PLXNC1: variants seen among roughly 807,000 people sequenced by gnomAD.
PLXNC1 encodes plexin C1.
Under a neutral mutation model 178.2 loss-of-function variants are expected in PLXNC1, and 75 were observed. The ratio of observed to expected loss-of-function variants is 0.42; its 90% CI spans 0.35 to 0.51. The LOEUF (loss-of-function observed/expected upper bound fraction) is 0.51. Ranked by LOEUF, PLXNC1 falls within the 20% of genes least tolerant of loss-of-function variation. The probability of loss-of-function intolerance (pLI) is 0.02; values close to 1 mark genes in which losing one functional copy is unlikely to be tolerated. For synonymous variants in PLXNC1, 790 were observed against 779.9 expected (o/e 1.01, Z -0.22); for missense variants, 1,503 against 1,984.4 (o/e 0.76, Z 4.61).
chr12:94,215,919 A>G (rs899240290), intron 5 of PLXNC1, among the ~76,000 whole-genome samples: 2 of 152,242 alleles, frequency 1.3e-5, no homozygotes, highest in Non-Finnish European at 2.9e-5. Flanking sequence ...GCAATATAGT[A>G]TGTAATAACA....
intron 28 of PLXNC1, 41 bp from the exon 29 acceptor site, chr12:94,303,715 T>TAAA: frequency 1.8e-6 from 2 of 1,085,264 alleles, no homozygotes; most frequent in Non-Finnish European, 2.5e-6. Context: ...TTTTTTTTAC[T>TAAA]CTTTTGGTGA....
intron 4 of PLXNC1, among the ~76,000 whole-genome samples, chr12:94,200,078 C>T (rs1397709862): frequency 1.3e-5 from 2 of 152,240 alleles, no homozygotes; most frequent in Non-Finnish European, 2.9e-5. Context: ...CAGGCGTGAG[C>T]CACCATGCCC....
Position 94,149,328 on chromosome 12 carries a change from C to CG in PLXNC1, c.363dup (p.Leu122AlafsTer66), listed in dbSNP as rs1291289729. 1 of 1,441,832 alleles carries CG rather than the reference C, an allele frequency of 6.9e-7. No homozygotes were observed. Among genetic ancestry groups the CG allele is most frequent in the Non-Finnish European group, 9.0e-7 (1 of 1,107,002 alleles). The allele number at this position is 1,441,832 out of a possible 1,614,324, so 89.3% of individuals were successfully genotyped here. A position where few individuals can be genotyped will look rare whatever the true frequency, so the allele number is the denominator to read the frequency against. ...CCTACCGCGAGGGGGCGGCCGGCCT[C>CG]GGGGGGCTGCTGCTCACCGGCTGGA... is the stretch of plus-strand genomic sequence containing the variant. On this transcript the variant is annotated frameshift_variant, in exon 1 of 31. Transcript: ENST00000258526. LOFTEE classifies it high-confidence loss of function.
At chr12:94,244,616 T>C (rs982507588) in intron 12 of PLXNC1, among the ~76,000 whole-genome samples, 3 of 152,188 alleles carry the variant, frequency 2.0e-5, no homozygotes, top group Admixed American at 6.5e-5. Context: ...ATGGGGATCC[T>C]CTAGAGCAGG....
chr12:94,218,378 T>C (rs947792420), intron 5 of PLXNC1, among the ~76,000 whole-genome samples: 1 of 151,892 alleles, frequency 6.6e-6, no homozygotes, highest in Non-Finnish European at 1.5e-5. Flanking sequence ...GACAGCAGAG[T>C]CTTAGGTGGC....
rs1379146481 is a variant in PLXNC1, at chr12:94,251,430, A to G, written c.2783A>G (p.Lys928Arg). Residue 928 changes from lysine (K) to arginine (R), a missense_variant, in exon 15 of 31, where the codon AAG becomes AGG. Lys to Arg is a conservative substitution (Grantham distance 26). This residue lies in a region of PLXNC1 where 639 missense variants were observed against 979.7 expected (regional missense o/e 0.65). Transcript: ENST00000258526. ...TGACATTCTTTGTCCCATCAGGTCA[A>G]GCTGGGAAACCTGGAGCTCTACGTC... Reference protein sequence around the residue: ...IANSSKKVRVKLGNLELYVEQ... With the variant: ...IANSSKKVRVRLGNLELYVEQ... 1 of 1,601,494 alleles carries G rather than the reference A, an allele frequency of 6.2e-7. No individual in the cohort carries two copies. The highest frequency in any genetic ancestry group is 8.6e-7 in the Non-Finnish European group (1 of 1,168,514).
rs1220818956 is a variant in PLXNC1, at chr12:94,177,159, ATG to A, written c.1204-4285_1204-4284del. 2.5e-3 allele frequency among the ~76,000 whole-genome samples: 93 copies of A among 37,012 alleles called. 1 individual carries two copies. The highest frequency in any genetic ancestry group is 3.0e-3 in the African/African-American group (17 of 5,666). The allele number at this position is 37,012 out of a possible 152,430, so 24.3% of individuals were successfully genotyped here. On this transcript the variant is annotated intron_variant, in intron 2 of 30. Transcript: ENST00000258526. Reference sequence around the variant, plus strand: ...TATATGTGTGTGTGTGTATATATATATGTATATATATATATACGTATATATAT... The same window carrying A: ...TATATGTGTGTGTGTGTATATATATATATATATATATATACGTATATATAT...
intron 2 of PLXNC1, among the ~76,000 whole-genome samples, chr12:94,180,514 C>CGA (rs1962265864): frequency 6.6e-6 from 1 of 152,152 alleles, no homozygotes; most frequent in Non-Finnish European, 1.5e-5. Context: ...GCTCTCCCTT[C>CGA]CCCATTTTGT....
chr12:94,215,208 T>G (rs1565813842), intron 5 of PLXNC1, among the ~76,000 whole-genome samples: 1 of 152,202 alleles, frequency 6.6e-6, no homozygotes, highest in Non-Finnish European at 1.5e-5. Context: ...TTAAGGCTAT[T>G]TATAATTTAT....
chr12:94,279,739 A>G (rs1479185521), intron 22 of PLXNC1, 90 bp downstream of exon 22: 1 of 895,406 alleles, frequency 1.1e-6, no homozygotes, highest in Non-Finnish European at 1.6e-6. Context: ...CCCTGCCCCC[A>G]CCAGCTTCCA....
At chr12:94,248,619 G>A (rs1313089668) in intron 14 of PLXNC1, among the ~76,000 whole-genome samples, 1 of 152,198 alleles carries the variant, frequency 6.6e-6, no homozygotes, top group African/African-American at 2.4e-5. Context: ...GAACGTCAAA[G>A]CGTTGGACAC....
At chr12:94,245,531 A>T (rs1964504764) in intron 12 of PLXNC1, among the ~76,000 whole-genome samples, 1 of 152,198 alleles carries the variant, frequency 6.6e-6, no homozygotes, top group African/African-American at 2.4e-5. Context: ...AATAAAAATT[A>T]AAAAAGTTGA....
intron 1 of PLXNC1, chr12:94,168,395 C>T (rs78254551): frequency 5.3e-5 from 8 of 152,262 alleles, no homozygotes; most frequent in Non-Finnish European, 1.5e-5. Flanking sequence ...GACACTCTCT[C>T]TGCTCTGGGT....
chr12:94,191,931 T>A (rs1962742231), intron 4 of PLXNC1, among the ~76,000 whole-genome samples: 1 of 152,186 alleles, frequency 6.6e-6, no homozygotes, highest in Non-Finnish European at 1.5e-5. Context: ...GCTGAATATC[T>A]TGGGTTTGGA....
intron 21 of PLXNC1, among the ~76,000 whole-genome samples, chr12:94,279,054 C>T (rs1319955537): frequency 6.6e-6 from 1 of 151,916 alleles, no homozygotes; most frequent in Non-Finnish European, 1.5e-5. Context: ...CCTTCCCTGT[C>T]ACCTAGAACT....
At chr12:94,228,699 C>T (rs1424613566) in intron 9 of PLXNC1, among the ~76,000 whole-genome samples, 1 of 152,180 alleles carries the variant, frequency 6.6e-6, no homozygotes, top group Non-Finnish European at 1.5e-5. Context: ...ATGATGTCCT[C>T]AAGGTTCATC....
chr12:94,241,422 C>T (rs1328709648), intron 11 of PLXNC1, among the ~76,000 whole-genome samples: 2 of 152,138 alleles, frequency 1.3e-5, no homozygotes, highest in East Asian at 3.9e-4. Flanking sequence ...GAGTTATAGA[C>T]ACCCTACTAT....
chr12:94,214,143 G>C (rs1963575383), intron 5 of PLXNC1, among the ~76,000 whole-genome samples: 1 of 151,292 alleles, frequency 6.6e-6, no homozygotes, highest in Non-Finnish European at 1.5e-5. Context: ...GGAGTGCAGA[G>C]ACGTGATCAT....
chr12:94,235,033 C>G (rs965294301), intron 9 of PLXNC1, among the ~76,000 whole-genome samples: 2 of 152,134 alleles, frequency 1.3e-5, no homozygotes, highest in African/African-American at 4.8e-5. Flanking sequence ...TTAGGAGGGT[C>G]CTCTTGGTAG....
Sources: gnomAD v4.1 joint callset for allele counts (sites outside exome capture counted in the v4.1 genomes callset) on GRCh38, gnomAD v4.1.1 for gene constraint, gnomAD v4.1.1 regional missense constraint, MANE v1.5 for transcripts, NCBI Gene and HGNC (gene_info 2026-07-23, HGNC 2026-07-21) for gene names.